Variants in PRKCB observed in about 807,000 individuals in gnomAD.
The protein encoded by PRKCB is protein kinase C beta type.
A neutral mutation model predicts 81.5 loss-of-function variants in PRKCB; 13 were observed. That is an observed-to-expected ratio of 0.16 (90% CI 0.10 to 0.25). The LOEUF (loss-of-function observed/expected upper bound fraction) is 0.25. Ranked by LOEUF, PRKCB falls within the 10% of genes least tolerant of loss-of-function variation. The pLI is 1.00. For missense variants in PRKCB, 509 were observed against 875.7 expected, an observed-to-expected ratio of 0.58 and a Z score of 5.29; for synonymous variants, 335 against 321.4, an observed-to-expected ratio of 1.04 and a Z score of -0.45.
At chr16:23,970,372 A>C (rs1007577797) in intron 2 of PRKCB, among the ~76,000 whole-genome samples, 4 of 152,204 alleles carry the variant, frequency 2.6e-5, no homozygotes, top group Non-Finnish European at 5.9e-5. Flanking sequence ...GCTCTGAGCT[A>C]CAGGATTCTG....
intron 2 of PRKCB, among the ~76,000 whole-genome samples, chr16:23,852,507 A>G (rs1398552629): frequency 2.0e-5 from 3 of 152,120 alleles, no homozygotes; most frequent in African/African-American, 7.2e-5. Flanking sequence ...TGTGTTCTTC[A>G]ATTTGGTTTG....
chr16:24,214,912 T>A lies in PRKCB; in HGVS notation c.*96T>A. The A allele has an allele frequency of 6.4e-7, 1 of 1,553,066 alleles. No homozygotes were observed. The highest frequency in any genetic ancestry group is 8.7e-7 in the Non-Finnish European group (1 of 1,153,384). On this transcript the variant is annotated 3_prime_UTR_variant, in exon 17 of 17. Coordinates refer to ENST00000643927, the MANE Select transcript of PRKCB (RefSeq NM_002738.7). ...GTTTTTCATTGCCAAGTTGCATCCA[T>A]GTTTGATTTTCTGATGAGACTAGAG...
At chr16:23,875,502 T>TATCACACAC (rs1962983206) in intron 2 of PRKCB, among the ~76,000 whole-genome samples, 1 of 21,998 alleles carries the variant, frequency 4.5e-5, no homozygotes, top group African/African-American at 1.0e-4. Context: ...TATATATATA[T>TATCACACAC]ATATGATGTA....
intron 16 of PRKCB, among the ~76,000 whole-genome samples, chr16:24,193,716 G>T (rs904067599): frequency 1.3e-5 from 2 of 152,036 alleles, no homozygotes; most frequent in Non-Finnish European, 2.9e-5. Context: ...GCCTACAGAG[G>T]CCAAGCAGAT....
intron 5 of PRKCB, among the ~76,000 whole-genome samples, chr16:24,058,823 T>C (rs1399329040): frequency 6.6e-6 from 1 of 152,088 alleles, no homozygotes; most frequent in African/African-American, 2.4e-5. Flanking sequence ...TTACCATGGG[T>C]GACAATTAAA....
At chr16:23,958,601 CCTCTTTTTATTATTATACTTAGCA>C (rs1162294787) in intron 2 of PRKCB, among the ~76,000 whole-genome samples, 4 of 152,140 alleles carry the variant, frequency 2.6e-5, no homozygotes, top group Non-Finnish European at 4.4e-5. Flanking sequence ...CTGCGCCCAG[CCTCTTTTTATTATTATACTTAGCA>C]CGGCACTTGG....
At chr16:23,907,943 C>A (rs530981716) in intron 2 of PRKCB, among the ~76,000 whole-genome samples, 1 of 152,142 alleles carries the variant, frequency 6.6e-6, no homozygotes, top group African/African-American at 2.4e-5. Flanking sequence ...AACAGCATAT[C>A]GGTTTATTGT....
intron 8 of PRKCB, among the ~76,000 whole-genome samples, chr16:24,122,468 T>TTTTTTTTTTTTTTTTTTTTTTTC (rs1555498212): frequency 2.2e-5 from 3 of 138,930 alleles, no homozygotes; most frequent in African/African-American, 9.9e-5. Context: ...TTTTTTTTTT[T>TTTTTTTTTTTTTTTTTTTTTTTC]AGTGAGAGAG....
intron 2 of PRKCB, among the ~76,000 whole-genome samples, chr16:23,872,176 C>T (rs935052857): frequency 6.6e-6 from 1 of 152,202 alleles, no homozygotes; most frequent in African/African-American, 2.4e-5. Context: ...GAAGAACTGG[C>T]AGCGTTCCTG....
At chr16:24,076,043 T>TA (rs1966173311) in intron 5 of PRKCB, among the ~76,000 whole-genome samples, 1 of 152,220 alleles carries the variant, frequency 6.6e-6, no homozygotes, top group Admixed American at 6.5e-5. Flanking sequence ...CTGCACCCAC[T>TA]AACTCGTCAT....
At chr16:24,067,725 G>GGGA (rs541268888) in intron 5 of PRKCB, among the ~76,000 whole-genome samples, 1 of 152,156 alleles carries the variant, frequency 6.6e-6, no homozygotes, top group Non-Finnish European at 1.5e-5. Flanking sequence ...TCAGCACTTT[G>GGGA]GGAGGACAAG....
intron 2 of PRKCB, among the ~76,000 whole-genome samples, chr16:23,981,145 T>A (rs1231107032): frequency 6.6e-6 from 1 of 152,132 alleles, no homozygotes; most frequent in African/African-American, 2.4e-5. Flanking sequence ...GAACAGCAGG[T>A]CTTCCGGGGC....
chr16:24,072,741 C>T (rs886432329), intron 5 of PRKCB, among the ~76,000 whole-genome samples: 4 of 152,004 alleles, frequency 2.6e-5, no homozygotes, highest in Non-Finnish European at 4.4e-5. Flanking sequence ...GCCACCAGAC[C>T]GAGCTAATTT....
intron 2 of PRKCB, chr16:23,963,404 T>A (rs1188334949): frequency 6.6e-6 from 1 of 152,246 alleles, no homozygotes; most frequent in Non-Finnish European, 1.5e-5. Flanking sequence ...TCATGCAGTG[T>A]CTAGAACATA....
chr16:24,180,493 C>A (rs1967600814), intron 12 of PRKCB, among the ~76,000 whole-genome samples: 1 of 152,186 alleles, frequency 6.6e-6, no homozygotes, highest in Non-Finnish European at 1.5e-5. Context: ...GTCATGGATG[C>A]TCTGCCCTTT....
intron 9 of PRKCB, among the ~76,000 whole-genome samples, chr16:24,137,341 A>G (rs1966868602): frequency 6.6e-6 from 1 of 152,030 alleles, no homozygotes; most frequent in Non-Finnish European, 1.5e-5. Context: ...AGTGCATGCC[A>G]TCGTGCCTGG....
At chr16:24,178,147 T>C (rs964687926) in intron 12 of PRKCB, among the ~76,000 whole-genome samples, 2 of 152,192 alleles carry the variant, frequency 1.3e-5, no homozygotes, top group Non-Finnish European at 2.9e-5. Context: ...ATGTTAGACT[T>C]ACCATCTTTA....
intron 3 of PRKCB, among the ~76,000 whole-genome samples, chr16:24,027,345 G>T (rs1965494539): frequency 6.6e-6 from 1 of 152,190 alleles, no homozygotes; most frequent in East Asian, 1.9e-4. Context: ...CTGTTCTGTG[G>T]CACAGAGCAG....
Position 24,123,858 on chromosome 16 carries a change from C to A in PRKCB, c.942C>A (p.Thr314=). The A allele has an allele frequency of 6.2e-7, 1 of 1,614,078 alleles. No homozygotes were observed. Among genetic ancestry groups the A allele is most frequent in the Non-Finnish European group, 8.5e-7 (1 of 1,179,992 alleles). ...KFERAKISQG[T]KVPEEKTTNT... Reference sequence around the variant, plus strand: ...AGAGGGCCAAGATCAGTCAGGGAACCAAGGTCCCGGAAGAAAAGACGACCA... The same window carrying A: ...AGAGGGCCAAGATCAGTCAGGGAACAAAGGTCCCGGAAGAAAAGACGACCA... Residue 314 remains threonine (T), a synonymous_variant, in exon 9 of 17, where the codon ACC becomes ACA. Transcript: ENST00000643927.
Sources: allele counts gnomAD v4.1 joint callset (sites outside exome capture counted in the v4.1 genomes callset), GRCh38; gene constraint gnomAD v4.1.1; transcripts MANE v1.5; gene names NCBI Gene and HGNC (gene_info 2026-07-23, HGNC 2026-07-21).